Variants in TANC2 observed in about 807,000 individuals in gnomAD.
TANC2 encodes the protein tetratricopeptide repeat, ankyrin repeat and coiled-coil containing 2, also known as protein TANC2.
In TANC2, 26 loss-of-function variants were observed where a neutral mutation model predicts 210.5. The observed-to-expected ratio is 0.12, with a 90% CI of 0.09 to 0.17. The LOEUF (loss-of-function observed/expected upper bound fraction) is 0.17. Ranked by LOEUF, TANC2 falls within the 10% of genes least tolerant of loss-of-function variation. The pLI, the probability that TANC2 is intolerant of heterozygous loss-of-function variation, is 1.00. For synonymous variants in TANC2, 931 were observed against 967.1 expected, an observed-to-expected ratio of 0.96 and a Z score of 0.69; for missense variants, 2,129 against 2,608.9, an observed-to-expected ratio of 0.82 and a Z score of 4.01.
At chr17:63,309,076 CTTTCT>C (rs2045027120) in intron 9 of TANC2, among the ~76,000 whole-genome samples, 1 of 151,730 alleles carries the variant, frequency 6.6e-6, no homozygotes, top group South Asian at 2.1e-4. Flanking sequence ...GAAAGTATTC[CTTTCT>C]ATTTTAATGT....
At chr17:63,235,956 A>G (rs1254794551) in intron 7 of TANC2, among the ~76,000 whole-genome samples, 1 of 152,026 alleles carries the variant, frequency 6.6e-6, no homozygotes, top group Admixed American at 6.6e-5. Context: ...GAGACCTTTC[A>G]GTTTATTTTA....
chr17:63,389,860 G>A (rs898158632), intron 17 of TANC2: 1 of 341,904 alleles, frequency 2.9e-6, no homozygotes, highest in African/African-American at 2.1e-5. Flanking sequence ...AGAGAGGAAG[G>A]AGAAGTGAGG....
chr17:63,025,812 AAAATT>A (rs971548103), intron 2 of TANC2, among the ~76,000 whole-genome samples: 2 of 146,356 alleles, frequency 1.4e-5, no homozygotes, highest in East Asian at 2.0e-4. Context: ...AAAATAAAAT[AAAATT>A]AAATTAAAAT....
chr17:62,986,972 C>A (rs2032599308), intron 1 of TANC2, among the ~76,000 whole-genome samples: 1 of 152,106 alleles, frequency 6.6e-6, no homozygotes, highest in African/African-American at 2.4e-5. Flanking sequence ...ATTGGGTTAG[C>A]CATGGCCTTG....
At chr17:63,363,735 C>CA (rs2047030911) in intron 14 of TANC2, among the ~76,000 whole-genome samples, 1 of 152,112 alleles carries the variant, frequency 6.6e-6, no homozygotes, top group African/African-American at 2.4e-5. Flanking sequence ...GTTTTTATAC[C>CA]AGTACCATGC....
At chr17:63,073,832 G>A in intron 2 of TANC2, 111 bp from the exon 3 acceptor site, 2 of 936,626 alleles carry the variant, frequency 2.1e-6, no homozygotes, top group Non-Finnish European at 3.1e-6. Context: ...CCGGATTATA[G>A]GAAATACAAA....
At chr17:63,304,814 G>A (rs962734780) in intron 9 of TANC2, among the ~76,000 whole-genome samples, 3 of 152,106 alleles carry the variant, frequency 2.0e-5, no homozygotes, top group African/African-American at 4.8e-5. Flanking sequence ...GGGAGGCCCC[G>A]TGCAATGAGG....
rs1184582533 is a variant in TANC2, at chr17:63,421,446, G to A, written c.5716G>A (p.Glu1906Lys). The change falls in exon 28 of 28, where the codon GAG becomes AAG. Residue 1906 changes from glutamate to lysine, a missense_variant. Glu to Lys is a moderately conservative substitution (Grantham distance 56). Transcript: ENST00000689528. The surrounding 1 kb of genome is among the most constrained non-coding windows in gnomAD (Gnocchi z 6.9). ...ACCTGCATATGAGAGGTCATGTGAC[G>A]AGCTGTCGCCAGTGTCTCCAACTCA... is the stretch of plus-strand genomic sequence containing the variant. 6.2e-6 allele frequency: 10 copies of A among 1,613,862 alleles called. No homozygotes were observed. The highest frequency in any genetic ancestry group is 2.7e-5 in the African/African-American group (2 of 74,930).
In TANC2 at chr17:63,073,794, A is replaced by G. The variant is rs951986312; in HGVS notation, c.68-149A>G. ...CAGGGTAAGAACCATTGGTTTATAT[A>G]AGAAAAATCCTCAAATATTTTAATG... On this transcript the variant is annotated intron_variant, in intron 2 of 27. Transcript: ENST00000689528. The G allele has an allele frequency of 1.7e-5, 13 of 759,308 alleles. No individual in the cohort carries two copies. The Admixed American group carries it at 2.5e-4, about 15-fold the overall frequency. The allele number at this position is 759,308 out of a possible 1,614,324, so 47.0% of individuals were successfully genotyped here. A position where few individuals can be genotyped will look rare whatever the true frequency, so the allele number is the denominator to read the frequency against.
At chr17:63,037,394 A>G (rs527373818) in intron 2 of TANC2, among the ~76,000 whole-genome samples, 8 of 152,214 alleles carry the variant, frequency 5.3e-5, no homozygotes, top group Non-Finnish European at 7.4e-5. Flanking sequence ...TCCATTTAAT[A>G]TTTTCTGACC....
exon 13 of TANC2, chr17:63,351,277 T>A (rs751568613): frequency 6.2e-7 from 1 of 1,607,504 alleles, no homozygotes; most frequent in Non-Finnish European, 8.5e-7. Flanking sequence ...GAAGATTTCA[T>A]CATTTTAATT....
In TANC2 at chr17:63,421,388, T is replaced by C. The variant is rs763199746; in HGVS notation, c.5658T>C (p.Ser1886=). The C allele has an allele frequency of 6.2e-7, 1 of 1,613,990 alleles. No individual in the cohort carries two copies. The highest frequency in any genetic ancestry group is 1.1e-5 in the South Asian group (1 of 91,078). The change falls in exon 28 of 28, where the codon TCT becomes TCC. Residue 1886 remains serine (S), a synonymous_variant. Transcript: ENST00000689528. The surrounding 1 kb of genome is among the most constrained non-coding windows in gnomAD (Gnocchi z 6.9). ...ACCTAACTCCGACCTTCCGGCCATC[T>C]TCTTCCATCCAGCAAATGGAGATCC... is the stretch of plus-strand genomic sequence containing the variant.
chr17:63,042,545 A>G (rs2035229315), intron 2 of TANC2, among the ~76,000 whole-genome samples: 1 of 152,114 alleles, frequency 6.6e-6, no homozygotes, highest in Non-Finnish European at 1.5e-5. Flanking sequence ...AGTGTTAAAA[A>G]GTAAGATGAT....
chr17:63,390,642 T>C (rs762284309), intron 17 of TANC2: 2 of 152,178 alleles, frequency 1.3e-5, no homozygotes, highest in African/African-American at 4.8e-5. Flanking sequence ...TTTTTCCTAT[T>C]TTGTAGAGGC....
chr17:63,031,842 T>C (rs536459233), intron 2 of TANC2, among the ~76,000 whole-genome samples: 8 of 152,264 alleles, frequency 5.3e-5, no homozygotes, highest in African/African-American at 1.9e-4. Flanking sequence ...CATGGAGTAC[T>C]AAGGGAGTTC....
intron 4 of TANC2, among the ~76,000 whole-genome samples, chr17:63,107,218 C>CT (rs2144986974): frequency 6.6e-6 from 1 of 151,476 alleles, no homozygotes; most frequent in South Asian, 2.1e-4. Context: ...CTTATAAAGA[C>CT]AAAGTTATCA....
intron 5 of TANC2, among the ~76,000 whole-genome samples, chr17:63,176,323 G>T (rs1567787822): frequency 6.6e-6 from 1 of 151,982 alleles, no homozygotes. Flanking sequence ...AACAAAATGT[G>T]GTATCCATAC....
At chr17:63,253,012 T>A (rs1431834207) in intron 8 of TANC2, among the ~76,000 whole-genome samples, 1 of 152,198 alleles carries the variant, frequency 6.6e-6, no homozygotes, top group Non-Finnish European at 1.5e-5. Flanking sequence ...AGTAGTACTA[T>A]TTTCAATTTT....
chr17:63,205,631 AC>A (rs2041686258), intron 7 of TANC2, among the ~76,000 whole-genome samples: 1 of 152,184 alleles, frequency 6.6e-6, no homozygotes, highest in African/African-American at 2.4e-5. Context: ...AAGGCCGGGC[AC>A]TGTGGCTCAC....
Sources: gnomAD v4.1 joint callset for allele counts (sites outside exome capture counted in the v4.1 genomes callset) on GRCh38, gnomAD v4.1.1 for gene constraint, Gnocchi (gnomAD v3.1) non-coding constraint, MANE v1.5 for transcripts, NCBI Gene and HGNC (gene_info 2026-07-23, HGNC 2026-07-21) for gene names.